The following ENOX1 variants were observed in gnomAD, a reference collection of about 807,000 sequenced individuals.
The protein encoded by ENOX1 is candidate growth-related and time keeping constitutive hydroquinone (NADH) oxidase.
In ENOX1, 42 loss-of-function variants were observed where a neutral mutation model predicts 82.5. The observed-to-expected ratio is 0.51, with a 90% confidence interval of 0.40 to 0.66. The LOEUF is 0.66. ENOX1 is among the 30% of genes least tolerant of loss of function. The probability of loss-of-function intolerance (pLI) is 0.00; values close to 1 mark genes in which losing one functional copy is unlikely to be tolerated. For synonymous variants in ENOX1, 271 were observed against 282.2 expected (o/e 0.96, Z 0.40); for missense variants, 608 against 811.6 (o/e 0.75, Z 3.05).
chr13:43,455,594 T>C (rs1310953035), intron 3 of ENOX1, among the ~76,000 whole-genome samples: 2 of 152,170 alleles, frequency 1.3e-5, no homozygotes, highest in Non-Finnish European at 2.9e-5. Flanking sequence ...CATGGATTAA[T>C]CCACTATATT....
At chr13:43,343,000 C>A (rs1406633541) in intron 9 of ENOX1, among the ~76,000 whole-genome samples, 1 of 152,136 alleles carries the variant, frequency 6.6e-6, no homozygotes, top group African/African-American at 2.4e-5. Context: ...ATTGTTAGAG[C>A]CAAGGGTTGA....
chr13:43,306,281 A>T (rs2046856059), intron 11 of ENOX1, among the ~76,000 whole-genome samples: 1 of 152,122 alleles, frequency 6.6e-6, no homozygotes, highest in African/African-American at 2.4e-5. Flanking sequence ...GCTGCTTCCT[A>T]CTGAGCCCCA....
intron 2 of ENOX1, among the ~76,000 whole-genome samples, chr13:43,651,044 A>G (rs2084142228): frequency 1.3e-5 from 2 of 152,288 alleles, no homozygotes; most frequent in African/African-American, 4.8e-5. Flanking sequence ...CCTAAGCTCT[A>G]TGTAAATCTA....
At chr13:43,326,583 G>A in intron 9 of ENOX1, 58 bp from the exon 10 acceptor site, 1 of 1,387,892 alleles carries the variant, frequency 7.2e-7, no homozygotes, top group Non-Finnish European at 1.0e-6. Flanking sequence ...TCACTATAGG[G>A]AAGCAAAGCA....
chr13:43,294,259 T>C (rs927729425), intron 12 of ENOX1, among the ~76,000 whole-genome samples: 7 of 152,220 alleles, frequency 4.6e-5, no homozygotes, highest in Admixed American at 6.5e-5. Context: ...TTTTTAATGG[T>C]ATCCTGCAGT....
intron 1 of ENOX1, among the ~76,000 whole-genome samples, chr13:43,720,613 T>G (rs1422604644): frequency 6.6e-6 from 1 of 152,226 alleles, no homozygotes; most frequent in Non-Finnish European, 1.5e-5. Context: ...TCTGCTGTCA[T>G]CATCTTGACA....
intron 2 of ENOX1, among the ~76,000 whole-genome samples, chr13:43,570,753 G>T (rs1352856124): frequency 1.3e-5 from 2 of 152,178 alleles, no homozygotes; most frequent in African/African-American, 2.4e-5. Context: ...GCCCTCAGTG[G>T]CCATCTGGGT....
At chr13:43,326,737 A>G (rs960257835) in intron 9 of ENOX1, among the ~76,000 whole-genome samples, 1 of 152,176 alleles carries the variant, frequency 6.6e-6, no homozygotes, top group African/African-American at 2.4e-5. Flanking sequence ...GTTAAAACAA[A>G]TTCTAAGTAT....
chr13:43,381,140 T>C (rs988952663), intron 5 of ENOX1, among the ~76,000 whole-genome samples: 23 of 151,768 alleles, frequency 1.5e-4, no homozygotes, highest in Non-Finnish European at 3.1e-4. Context: ...TTTATCAAGA[T>C]TGGCCATATT....
chr13:43,236,508 G>T, intron 15 of ENOX1, 128 bp downstream of exon 15: 1 of 572,340 alleles, frequency 1.7e-6, no homozygotes, highest in Non-Finnish European at 2.9e-6. Flanking sequence ...ATATAATCTT[G>T]ATGAAATTAA....
At chr13:43,440,464 C>T (rs1323137) in intron 3 of ENOX1, among the ~76,000 whole-genome samples, 6,535 of 152,152 alleles carry the variant, frequency 0.043, 482 homozygotes, top group African/African-American at 0.15. Context: ...AGGTAACTCA[C>T]GACATTTTTA....
intron 2 of ENOX1, among the ~76,000 whole-genome samples, chr13:43,594,001 AC>A (rs2081356597): frequency 6.6e-6 from 1 of 152,112 alleles, no homozygotes; most frequent in African/African-American, 2.4e-5. Flanking sequence ...ATTGTCTCTT[AC>A]TGCGCCCAAC....
At chr13:43,644,453 C>T (rs1887948) in intron 2 of ENOX1, among the ~76,000 whole-genome samples, 149,001 of 152,278 alleles carry the variant, frequency 0.98, 72,990 homozygotes, top group Middle Eastern at 1. Context: ...TTTTAAATGA[C>T]GACTTTAATT....
intron 2 of ENOX1, among the ~76,000 whole-genome samples, chr13:43,642,971 A>T (rs1343545544): frequency 6.6e-6 from 1 of 152,252 alleles, no homozygotes; most frequent in African/African-American, 2.4e-5. Context: ...ACAAGTGGAA[A>T]ACTAAGAGGA....
intron 3 of ENOX1, among the ~76,000 whole-genome samples, chr13:43,416,577 G>A (rs1329552025): frequency 6.6e-6 from 1 of 151,176 alleles, no homozygotes; most frequent in Admixed American, 6.6e-5. Flanking sequence ...CCCAGACAGG[G>A]CAGCCGGGCA....
At chr13:43,279,588 C>T (rs1222716178) in intron 12 of ENOX1, among the ~76,000 whole-genome samples, 1 of 152,184 alleles carries the variant, frequency 6.6e-6, no homozygotes, top group African/African-American at 2.4e-5. Context: ...CCGTTTTTCA[C>T]TTTCTTCACA....
intron 1 of ENOX1, among the ~76,000 whole-genome samples, chr13:43,727,853 A>T (rs2089085001): frequency 6.6e-6 from 1 of 152,210 alleles, no homozygotes; most frequent in African/African-American, 2.4e-5. Context: ...ATTTTAAAGA[A>T]GTCAAAGTTT....
At chr13:43,374,550 T>A (rs2051487001) in intron 5 of ENOX1, among the ~76,000 whole-genome samples, 1 of 152,280 alleles carries the variant, frequency 6.6e-6, no homozygotes. Context: ...CAGAAAGGAT[T>A]TTTCATTTTC....
At chr13:43,350,042 C>T (rs1216085709) in intron 8 of ENOX1, among the ~76,000 whole-genome samples, 2 of 152,188 alleles carry the variant, frequency 1.3e-5, no homozygotes, top group African/African-American at 4.8e-5. Context: ...AATTCTTTGG[C>T]TAATCTCTGA....
Sources: allele counts gnomAD v4.1 joint callset (sites outside exome capture counted in the v4.1 genomes callset), GRCh38; gene constraint gnomAD v4.1.1; transcripts MANE v1.5; gene names NCBI Gene and HGNC (gene_info 2026-07-23, HGNC 2026-07-21).